MACROD2: variants seen among roughly 807,000 people sequenced by gnomAD.
The protein encoded by MACROD2 is mono-ADP ribosylhydrolase 2.
In MACROD2, 36 loss-of-function variants were observed where a neutral mutation model predicts 70.4. That is an observed-to-expected ratio of 0.51 (90% CI 0.39 to 0.68). The LOEUF (loss-of-function observed/expected upper bound fraction) is 0.68, where lower values mean the gene tolerates loss of function less well. MACROD2 is among the 30% of genes least tolerant of loss of function. MACROD2 has a pLI of 0.00. For synonymous variants in MACROD2, 172 were observed against 178.8 expected (o/e 0.96, Z 0.30); for missense variants, 496 against 538.4 (o/e 0.92, Z 0.78).
At chr20:14,258,241 G>A (rs1281126610) in intron 3 of MACROD2, among the ~76,000 whole-genome samples, 2 of 151,982 alleles carry the variant, frequency 1.3e-5, no homozygotes, top group African/African-American at 4.8e-5. Flanking sequence ...TTTTCCTCTG[G>A]GTAGATGCCC....
chr20:15,676,398 T>C (rs2050058149), intron 8 of MACROD2, among the ~76,000 whole-genome samples: 1 of 152,234 alleles, frequency 6.6e-6, no homozygotes, highest in African/African-American at 2.4e-5. Flanking sequence ...GCTAGATTAA[T>C]ATCATGGGCT....
At chr20:15,571,743 A>G (rs1248602460) in intron 8 of MACROD2, among the ~76,000 whole-genome samples, 2 of 152,134 alleles carry the variant, frequency 1.3e-5, no homozygotes, top group East Asian at 1.9e-4. Flanking sequence ...ACTTGGAAAC[A>G]TACTGTTTTC....
chr20:15,026,358 G>A (rs1349314755), intron 5 of MACROD2, among the ~76,000 whole-genome samples: 2 of 151,972 alleles, frequency 1.3e-5, no homozygotes, highest in African/African-American at 4.8e-5. Context: ...CAAAATGGAA[G>A]GATTTCTAGG....
At chr20:14,726,498 G>A (rs6042882) in intron 5 of MACROD2, among the ~76,000 whole-genome samples, 1 of 152,126 alleles carries the variant, frequency 6.6e-6, no homozygotes, top group African/African-American at 2.4e-5. Context: ...TCGATACTGA[G>A]ATCAAGACTT....
intron 5 of MACROD2, among the ~76,000 whole-genome samples, chr20:15,215,398 T>A (rs1347590858): frequency 4.0e-5 from 6 of 151,832 alleles, no homozygotes; most frequent in Non-Finnish European, 7.4e-5. Context: ...ATTTCTACAA[T>A]TCAGTTGTTT....
chr20:14,594,749 G>T (rs1361961018), intron 4 of MACROD2, among the ~76,000 whole-genome samples: 1 of 152,052 alleles, frequency 6.6e-6, no homozygotes, highest in Non-Finnish European at 1.5e-5. Flanking sequence ...AAAATTAGCC[G>T]GGCATGGTAG....
chr20:16,039,937 C>T (rs1287028438), intron 15 of MACROD2, among the ~76,000 whole-genome samples: 5 of 151,850 alleles, frequency 3.3e-5, no homozygotes, highest in African/African-American at 1.2e-4. Flanking sequence ...TACTTTCATA[C>T]TATGAATGTT....
At chr20:14,690,996 C>T (rs1431520324) in intron 5 of MACROD2, among the ~76,000 whole-genome samples, 1 of 152,202 alleles carries the variant, frequency 6.6e-6, no homozygotes, top group Non-Finnish European at 1.5e-5. Flanking sequence ...TGGCTCACTG[C>T]AACCTCCGCC....
At chr20:15,155,634 A>G (rs780748919) in intron 5 of MACROD2, among the ~76,000 whole-genome samples, 4 of 152,164 alleles carry the variant, frequency 2.6e-5, no homozygotes, top group Non-Finnish European at 5.9e-5. Context: ...CCTATCATGT[A>G]TCTCTCTTTC....
At chr20:14,161,744 C>T (rs1182562037) in intron 3 of MACROD2, among the ~76,000 whole-genome samples, 1 of 151,768 alleles carries the variant, frequency 6.6e-6, no homozygotes, top group Admixed American at 6.6e-5. Flanking sequence ...ACCACCACAC[C>T]CGTTATTTAT....
chr20:14,049,342 C>T (rs2053529417), intron 2 of MACROD2, among the ~76,000 whole-genome samples: 1 of 151,950 alleles, frequency 6.6e-6, no homozygotes, highest in Admixed American at 6.6e-5. Flanking sequence ...AAGTGAAAAG[C>T]TCCTGAGGTT....
At chr20:14,330,114 A>G (rs1163239662) in intron 3 of MACROD2, among the ~76,000 whole-genome samples, 3 of 152,246 alleles carry the variant, frequency 2.0e-5, no homozygotes, top group African/African-American at 7.2e-5. Context: ...TTAGGAAAGC[A>G]CATCAAAACC....
intron 4 of MACROD2, among the ~76,000 whole-genome samples, chr20:14,673,236 T>C (rs959310314): frequency 2.0e-5 from 3 of 152,210 alleles, no homozygotes; most frequent in Non-Finnish European, 4.4e-5. Flanking sequence ...AGAGAGGCTC[T>C]TTTGATTTAT....
chr20:15,509,494 A>G (rs936555544), intron 8 of MACROD2, among the ~76,000 whole-genome samples: 11 of 152,194 alleles, frequency 7.2e-5, no homozygotes, highest in African/African-American at 2.4e-4. Context: ...TGGGATTGGT[A>G]TATCTGAAAA....
At chr20:14,743,135 A>T (rs60224563) in intron 5 of MACROD2, among the ~76,000 whole-genome samples, 2,631 of 152,242 alleles carry the variant, frequency 0.017, 67 homozygotes, top group African/African-American at 0.059. Flanking sequence ...GTATTTTTTT[A>T]AAAGATAGCT....
chr20:15,346,384 C>T (rs926843769), intron 6 of MACROD2, among the ~76,000 whole-genome samples: 1 of 152,170 alleles, frequency 6.6e-6, no homozygotes, highest in Non-Finnish European at 1.5e-5. Context: ...ATGCAGGCAA[C>T]TTCCCAGAGA....
chr20:14,182,480 G>A (rs555206623), intron 3 of MACROD2, among the ~76,000 whole-genome samples: 1 of 152,092 alleles, frequency 6.6e-6, no homozygotes, highest in African/African-American at 2.4e-5. Flanking sequence ...TATTAGTTTT[G>A]ATGAAGTCCA....
intron 6 of MACROD2, among the ~76,000 whole-genome samples, chr20:15,347,992 C>T (rs757923075): frequency 3.3e-5 from 5 of 152,206 alleles, no homozygotes; most frequent in African/African-American, 4.8e-5. Context: ...AAGACTACAA[C>T]GTACTCACCA....
chr20:15,159,767 C>CACAT (rs2076335146), intron 5 of MACROD2, among the ~76,000 whole-genome samples: 1 of 151,104 alleles, frequency 6.6e-6, no homozygotes, highest in Non-Finnish European at 1.5e-5. Flanking sequence ...CACACACACA[C>CACAT]GCATGGGCAC....
Sources: allele counts gnomAD v4.1 joint callset (sites outside exome capture counted in the v4.1 genomes callset), GRCh38; gene constraint gnomAD v4.1.1; transcripts MANE v1.5; gene names NCBI Gene and HGNC (gene_info 2026-07-23, HGNC 2026-07-21).